The following TARBP1 variants were observed in gnomAD, a reference collection of about 807,000 sequenced individuals.
TARBP1 encodes the protein tRNA guanosine 2 -O-methyltransferase TARBP1, also known as tRNA (guanosine(18)-2'-O)-methyltransferase TARBP1.
TARBP1 carries 144 observed loss-of-function variants against 178.6 expected under a neutral mutation model. The ratio of observed to expected loss-of-function variants is 0.81; its 90% CI spans 0.70 to 0.93. The LOEUF is 0.93. Among genes scored for constraint, TARBP1 ranks in the 40% least tolerant of loss-of-function variants. The pLI, the probability that TARBP1 is intolerant of heterozygous loss-of-function variation, is 0.00. For synonymous variants in TARBP1, 787 were observed against 781.0 expected, an observed-to-expected ratio of 1.01 and a Z score of -0.13; for missense variants, 2,067 against 2,011.7, an observed-to-expected ratio of 1.03 and a Z score of -0.53.
intron 9 of TARBP1, among the ~76,000 whole-genome samples, chr1:234,451,592 C>A (rs1199586620): frequency 1.3e-5 from 1 of 77,078 alleles, no homozygotes; most frequent in Non-Finnish European, 2.2e-5. Flanking sequence ...ACTAAAAATA[C>A]AAAAAAATTA....
chr1:234,465,069 CGGAT>C (rs34607418), intron 5 of TARBP1, among the ~76,000 whole-genome samples: 22,680 of 150,658 alleles, frequency 0.15, 2,309 homozygotes, highest in East Asian at 0.52. Flanking sequence ...GATGGATGAA[CGGAT>C]GGATGGATGG....
intron 13 of TARBP1, 119 bp downstream of exon 13, chr1:234,437,156 G>C (rs1251327661): frequency 4.0e-6 from 2 of 503,144 alleles, no homozygotes; most frequent in Non-Finnish European, 6.7e-6. Flanking sequence ...TGCTTCCTAA[G>C]ACCGCTTCTT....
chr1:234,445,778 G>A (rs1054785182), intron 12 of TARBP1, among the ~76,000 whole-genome samples: 3 of 152,110 alleles, frequency 2.0e-5, no homozygotes, highest in African/African-American at 4.8e-5. Context: ...GAGCACACAG[G>A]TGTTTAATTA....
At chr1:234,396,526 G>A (rs186770859) in intron 26 of TARBP1, among the ~76,000 whole-genome samples, 5 of 152,174 alleles carry the variant, frequency 3.3e-5, no homozygotes, top group East Asian at 3.9e-4. Flanking sequence ...TGTTAGGTAC[G>A]TGCTCCCTGT....
At chr1:234,456,560 A>G (rs1453661497) in intron 9 of TARBP1, among the ~76,000 whole-genome samples, 1 of 152,222 alleles carries the variant, frequency 6.6e-6, no homozygotes, top group African/African-American at 2.4e-5. Flanking sequence ...AAATGATACA[A>G]TCAACTGCAT....
chr1:234,431,686 A>T (rs1225663841), intron 14 of TARBP1, among the ~76,000 whole-genome samples: 1 of 152,214 alleles, frequency 6.6e-6, no homozygotes, highest in Non-Finnish European at 1.5e-5. Context: ...TAATTCCCAC[A>T]TCAACTCTAT....
rs1050169896 is a variant in TARBP1 at position 234,447,870 on chromosome 1, T to C, written c.1961+610A>G. On this transcript the variant is annotated intron_variant, in intron 11 of 29. Transcript: ENST00000040877. ...TTTACCTAAACTTATACTGGAATCTTGCAATCTATTTCTAATATTCTGATA... is the reference window on the plus strand; with the variant it reads ...TTTACCTAAACTTATACTGGAATCTCGCAATCTATTTCTAATATTCTGATA... 2.6e-5 allele frequency among the ~76,000 whole-genome samples: 4 copies of C among 152,330 alleles called. No individual in the cohort carries two copies. The Middle Eastern group carries it at 0.01, about 389-fold the overall frequency.
At chr1:234,392,605 G>A (rs1659497501) in intron 28 of TARBP1, 53 bp from the exon 29 acceptor site, 9 of 1,552,404 alleles carry the variant, frequency 5.8e-6, no homozygotes, top group Admixed American at 1.9e-5. Flanking sequence ...AGCCCTGCTT[G>A]GAGTAAATTA....
chr1:234,395,508 A>G (rs1659841204), intron 26 of TARBP1, among the ~76,000 whole-genome samples: 1 of 152,172 alleles, frequency 6.6e-6, no homozygotes, highest in African/African-American at 2.4e-5. Context: ...CAGGACAAGA[A>G]CGACTTCCAC....
chr1:234,438,486 A>G lies in TARBP1; in HGVS notation c.2135-1114T>C, dbSNP rs183995968. ...AACCAAATAGAAATTTTATAATTGAAAAGTACAATAACTGAAATAAATTCA... is the reference window on the plus strand; with the variant it reads ...AACCAAATAGAAATTTTATAATTGAGAAGTACAATAACTGAAATAAATTCA... On this transcript the variant is annotated intron_variant, in intron 12 of 29. Transcript: ENST00000040877. 5.3e-3 allele frequency among the ~76,000 whole-genome samples: 801 copies of G among 152,364 alleles called. 4 individuals are homozygous for G. The highest frequency in any genetic ancestry group is 0.017 in the African/African-American group (720 of 41,590).
At chr1:234,467,207 A>G (rs1276038489) in intron 4 of TARBP1, among the ~76,000 whole-genome samples, 1 of 152,242 alleles carries the variant, frequency 6.6e-6, no homozygotes, top group Non-Finnish European at 1.5e-5. Context: ...TAGCTTCTAT[A>G]CCAGTTTTCA....
In TARBP1 at chr1:234,449,104, A is replaced by G. The variant is rs117441960; in HGVS notation, c.1862-525T>C. ...CAAAGGTCTTCTAGCAGAAGAAGGCATACCATATTCCAGAAAATAGGAGGA... is the reference window on the plus strand; with the variant it reads ...CAAAGGTCTTCTAGCAGAAGAAGGCGTACCATATTCCAGAAAATAGGAGGA... On this transcript the variant is annotated intron_variant, in intron 10 of 29. Transcript: ENST00000040877. Among the ~76,000 whole-genome samples, 85 of 152,272 alleles carry G rather than the reference A, an allele frequency of 5.6e-4. 1 individual carries two copies. In the East Asian group the frequency reaches 0.015, roughly 28 times the overall value.
At chr1:234,422,483 C>A (rs958580148) in intron 20 of TARBP1, among the ~76,000 whole-genome samples, 1 of 151,688 alleles carries the variant, frequency 6.6e-6, no homozygotes, top group African/African-American at 2.4e-5. Flanking sequence ...AAGCCAGGCA[C>A]AAAAAGACAA....
chr1:234,406,413 C>G, intron 23 of TARBP1: 1 of 243,812 alleles, frequency 4.1e-6, no homozygotes, highest in Non-Finnish European at 8.0e-6. Flanking sequence ...CATTATACAA[C>G]CAAAATGTTT....
chr1:234,409,807 T>A (rs1449893070), intron 23 of TARBP1, among the ~76,000 whole-genome samples: 2 of 152,246 alleles, frequency 1.3e-5, no homozygotes, highest in Non-Finnish European at 2.9e-5. Flanking sequence ...AGTATATCAG[T>A]ACATTCTTTT....
intron 4 of TARBP1, among the ~76,000 whole-genome samples, 189 bp from the exon 5 acceptor site, chr1:234,465,897 CAAAG>C (rs1017219141): frequency 1.2e-4 from 19 of 152,120 alleles, no homozygotes; most frequent in Admixed American, 1.1e-3. Flanking sequence ...ACCAGAAAAA[CAAAG>C]TAAGTACAGA....
At chr1:234,427,277 T>A in intron 19 of TARBP1, 40 bp downstream of exon 19, 1 of 1,419,984 alleles carries the variant, frequency 7.0e-7, no homozygotes, top group Non-Finnish European at 9.8e-7. Flanking sequence ...ATTTTTAGTA[T>A]CTCATTTATG....
At chr1:234,411,532 A>G (rs1661822294) in intron 22 of TARBP1, among the ~76,000 whole-genome samples, 1 of 152,210 alleles carries the variant, frequency 6.6e-6, no homozygotes, top group Non-Finnish European at 1.5e-5. Context: ...GAACAAAGAC[A>G]CAGAGGCAAA....
intron 12 of TARBP1, among the ~76,000 whole-genome samples, chr1:234,445,380 A>G (rs1666047720): frequency 6.6e-6 from 1 of 152,148 alleles, no homozygotes; most frequent in South Asian, 2.1e-4. Context: ...CTGTATGTTA[A>G]TGGCTCCCAA....
Sources: gnomAD v4.1 joint callset for allele counts (sites outside exome capture counted in the v4.1 genomes callset) on GRCh38, gnomAD v4.1.1 for gene constraint, MANE v1.5 for transcripts, NCBI Gene and HGNC (gene_info 2026-07-23, HGNC 2026-07-21) for gene names.